Variants in KIF19 observed in about 807,000 individuals in gnomAD.
KIF19 encodes kinesin family member 19.
Under a neutral mutation model 106.6 loss-of-function variants are expected in KIF19, and 98 were observed. The ratio of observed to expected loss-of-function variants is 0.92; its 90% CI spans 0.78 to 1.09. The LOEUF (loss-of-function observed/expected upper bound fraction) is 1.09, where lower values mean the gene tolerates loss of function less well. KIF19 is among the 50% of genes least tolerant of loss of function. KIF19 has a pLI of 0.00. For missense variants in KIF19, 1,373 were observed against 1,414.3 expected (o/e 0.97, Z 0.47); for synonymous variants, 516 against 584.2 (o/e 0.88, Z 1.68).
At chr17:74,340,949 TGG>T (rs113482479) in intron 2 of KIF19, among the ~76,000 whole-genome samples, 10 of 152,054 alleles carry the variant, frequency 6.6e-5, no homozygotes, top group African/African-American at 2.4e-4. Context: ...TGTGACGACC[TGG>T]GGGGTGTGAC....
intron 2 of KIF19, among the ~76,000 whole-genome samples, chr17:74,338,704 C>T (rs146029126): frequency 4.6e-5 from 7 of 151,860 alleles, no homozygotes; most frequent in South Asian, 2.1e-4. Flanking sequence ...CCAGGGCACA[C>T]GTAGAATGCT....
rs532366391 is a variant in KIF19, at chr17:74,344,293, AG to A, written c.532del (p.Val178Ter). 5,562 of 1,612,936 alleles carry A rather than the reference AG, an allele frequency of 3.4e-3. 22 individuals carry two copies. Among genetic ancestry groups the A allele is most frequent in the Middle Eastern group, 6.9e-3 (42 of 6,056 alleles). On this transcript the variant is annotated frameshift_variant, in exon 6 of 20. Transcript: ENST00000389916. LOFTEE classifies it high-confidence loss of function. ...LGYLELREDS[K>X]GVIQVAGITE... ...TACCTGGAGCTGCGGGAGGACTCTA[AG>A]GGGGTGATCCAGGTGGCCGGCATCA...
In KIF19 at chr17:74,351,886, G is replaced by T. The variant is rs1466653834; in HGVS notation, c.1607G>T (p.Cys536Phe). 64 of 1,407,164 alleles carry T rather than the reference G, an allele frequency of 4.5e-5. No homozygotes were observed. Among genetic ancestry groups the T allele is most frequent in the Non-Finnish European group, 5.8e-5 (63 of 1,089,242 alleles). The allele number at this position is 1,407,164 out of a possible 1,614,324, so 87.2% of individuals were successfully genotyped here. Residue 536 changes from cysteine (C) to phenylalanine (F), a missense_variant, in exon 13 of 20, where the codon TGC (cysteine) becomes TTC (phenylalanine). By Grantham distance (205) the Cys-to-Phe change is radical. Coordinates refer to ENST00000389916, the MANE Select transcript of KIF19 (RefSeq NM_153209.4). ...RKQKLALEQR[C>F]RELRARGRRL... is the part of the protein sequence containing the mutation. Reference sequence around the variant, plus strand: ...CTGCAGCTGGCGCTGGAGCAGCGCTGCCGGGAGCTGCGCGCGCGGGGCCGG... The same window carrying T: ...CTGCAGCTGGCGCTGGAGCAGCGCTTCCGGGAGCTGCGCGCGCGGGGCCGG...
At chr17:74,337,005 T>C (rs1425543857) in intron 2 of KIF19, among the ~76,000 whole-genome samples, 1 of 152,110 alleles carries the variant, frequency 6.6e-6, no homozygotes, top group African/African-American at 2.4e-5. Flanking sequence ...TTTGTATTTT[T>C]AGTATTTTAG....
intron 2 of KIF19, among the ~76,000 whole-genome samples, chr17:74,341,245 G>A (rs181461752): frequency 1.5e-4 from 23 of 151,458 alleles, no homozygotes; most frequent in Admixed American, 9.2e-4. Context: ...CTGAACCCAG[G>A]AGGTGGAGGT....
Position 74,347,864 on chromosome 17 carries a change from A to G in KIF19, c.1012A>G (p.Thr338Ala). Residue 338 changes from threonine to alanine, a missense_variant, in exon 9 of 20, where the codon ACC (threonine) becomes GCC (alanine). By Grantham distance (58) the Thr-to-Ala change is moderately conservative. This residue lies in a region of KIF19 where 1,020 missense variants were observed against 1,008.2 expected (regional missense o/e 1.01). Coordinates refer to ENST00000389916, the MANE Select transcript of KIF19 (RefSeq NM_153209.4). ...SAFEESRNTL[T>A]YAGRAKNIKT... is the part of the protein sequence containing the mutation. ...CTTCGAGGAGTCCCGGAACACCCTG[A>G]CCTACGCCGGCCGGGCCAAGAACAT... The G allele has an allele frequency of 6.3e-7, 1 of 1,585,172 alleles. No homozygotes were observed. The highest frequency in any genetic ancestry group is 8.6e-7 in the Non-Finnish European group (1 of 1,166,396).
rs747118963 is a variant in KIF19 at position 74,352,048 on chromosome 17, T to TCCGCCA, written c.1777_1782dup (p.Arg593_His594dup). ...CACGCGCTGCTCCGCGACGGTGCGC[T>TCCGCCA]CCGCCACCGCCACGAGGCCGTGCGC... is the stretch of plus-strand genomic sequence containing the variant. On this transcript the variant is annotated inframe_insertion, in exon 13 of 20. Transcript: ENST00000389916. 2.5e-6 allele frequency: 4 copies of TCCGCCA among 1,579,438 alleles called. No individual in the cohort carries two copies. In the South Asian group the frequency reaches 3.4e-5, roughly 13 times the overall value.
At chr17:74,328,281 C>G in intron 1 of KIF19, 144 bp from the exon 2 acceptor site, 1 of 678,106 alleles carries the variant, frequency 1.5e-6, no homozygotes, top group South Asian at 1.8e-5. Flanking sequence ...ACCTGCTGCC[C>G]TCTGACCTAG....
chr17:74,347,660 C>A, intron 8 of KIF19, 117 bp from the exon 9 acceptor site: 1 of 1,221,776 alleles, frequency 8.2e-7, no homozygotes. Flanking sequence ...GCAGCCGGGT[C>A]CCTTAAGTGT....
Position 74,352,867 on chromosome 17 carries a change from C to T in KIF19, c.2027C>T (p.Pro676Leu), listed in dbSNP as rs1567922227. ...ACCCCAGCAGGAACCTCACTGACCC[C>T]AGATTCTGACCTGGAGAGTGTGAAG... ...KITPAGTSLTPDSDLESVKTL... is the reference protein window; with the variant it reads ...KITPAGTSLTLDSDLESVKTL... Residue 676 changes from proline (P) to leucine (L), a missense_variant, in exon 15 of 20, where the codon CCA becomes CTA. Coordinates refer to ENST00000389916, the MANE Select transcript of KIF19 (RefSeq NM_153209.4). 1.2e-6 allele frequency: 2 copies of T among 1,613,886 alleles called. No individual in the cohort carries two copies. Among genetic ancestry groups the T allele is most frequent in the Non-Finnish European group, 8.5e-7 (1 of 1,179,894 alleles).
At chr17:74,328,965 G>A (rs1242417808) in intron 2 of KIF19, 2 of 155,480 alleles carry the variant, frequency 1.3e-5, no homozygotes, top group Non-Finnish European at 2.8e-5. Flanking sequence ...CAGCATGCTG[G>A]GTACTGTTCT....
At position 74,353,346 on chromosome 17, in the gene KIF19, G is replaced by A. The variant is rs769908923; in HGVS notation, c.2220+45G>A. ...TGGCCCCACGAGCTCCACTGCAGCG[G>A]GTGCGGGACATGGGGGTGGACAGCA... On this transcript the variant is annotated intron_variant, in intron 16 of 19. Coordinates refer to ENST00000389916, the MANE Select transcript of KIF19 (RefSeq NM_153209.4). The A allele has an allele frequency of 2.7e-6, 4 of 1,508,942 alleles. No individual in the cohort carries two copies. The South Asian group carries it at 4.8e-5, about 18-fold the overall frequency. 93.5% of individuals were successfully genotyped at this position (1,508,942 alleles called of 1,614,324 possible). A position where few individuals can be genotyped will look rare whatever the true frequency, so the allele number is the denominator to read the frequency against.
intron 19 of KIF19, 39 bp downstream of exon 19, chr17:74,354,980 C>A: frequency 1.3e-6 from 2 of 1,569,604 alleles, no homozygotes; most frequent in East Asian, 4.6e-5. Context: ...GGGGAGGCCT[C>A]CACCAGGCAG....
intron 19 of KIF19, 80 bp from the exon 20 acceptor site, chr17:74,355,102 A>T: frequency 6.5e-7 from 1 of 1,545,744 alleles, no homozygotes. Flanking sequence ...GCCCCTAGAG[A>T]GTTCAAGGCC....
intron 17 of KIF19, 92 bp from the exon 18 acceptor site, chr17:74,354,070 G>C: frequency 7.1e-7 from 1 of 1,398,802 alleles, no homozygotes; most frequent in Middle Eastern, 2.4e-4. Flanking sequence ...AAACCCAGGA[G>C]GTCTGGCTCC....
rs779454973 is a variant in KIF19 at position 74,354,366 on chromosome 17, A to G, written c.2513A>G (p.Gln838Arg). Residue 838 changes from glutamine (Q) to arginine (R), a missense_variant, in exon 18 of 20, where the codon CAG becomes CGG. Physicochemically the swap from Gln to Arg is conservative, Grantham distance 43. This residue lies in a region of KIF19 where 1,020 missense variants were observed against 1,008.2 expected (regional missense o/e 1.01). Transcript: ENST00000389916. Reference sequence around the variant, plus strand: ...AAGCGGCCGCCCAGCCCCACACTACAGCATGCTGCCAGTGAGGACAACCTG... The same window carrying G: ...AAGCGGCCGCCCAGCCCCACACTACGGCATGCTGCCAGTGAGGACAACCTG... ...ACKRPPSPTLQHAASEDNLSS... is the reference protein window; with the variant it reads ...ACKRPPSPTLRHAASEDNLSS... 2 of 1,608,502 alleles carry G rather than the reference A, an allele frequency of 1.2e-6. No homozygotes were observed. The highest frequency in any genetic ancestry group is 3.4e-5 in the Admixed American group (2 of 59,484).
In KIF19 at chr17:74,352,156, C is replaced by A. The variant is rs757324545; in HGVS notation, c.1858+19C>A. On this transcript the variant is annotated intron_variant, in intron 13 of 19. Coordinates refer to ENST00000389916, the MANE Select transcript of KIF19 (RefSeq NM_153209.4). ...ATCGACGGTAGGGCCCACGCCCCCG[C>A]GCATCTGAGCCACCCGCGGGGGGGC... 3 of 1,583,176 alleles carry A rather than the reference C, an allele frequency of 1.9e-6. No homozygotes were observed. The highest frequency in any genetic ancestry group is 3.5e-5 in the Admixed American group (2 of 57,188).
chr17:74,341,776 A>G lies in KIF19; in HGVS notation c.121-100A>G, dbSNP rs956998121. On this transcript the variant is annotated intron_variant, in intron 2 of 19. Coordinates refer to ENST00000389916, the MANE Select transcript of KIF19 (RefSeq NM_153209.4). ...GCCCAGAAGGGCTTTGTTAACTCTG[A>G]TCGACAAAGGGGTTAACTTTGTTAA... is the stretch of plus-strand genomic sequence containing the variant. 6.1e-6 allele frequency: 5 copies of G among 818,502 alleles called. No homozygotes were observed. In the Admixed American group the frequency reaches 7.2e-5, roughly 12 times the overall value. 50.7% of individuals were successfully genotyped at this position (818,502 alleles called of 1,614,324 possible).
Position 74,354,397 on chromosome 17 carries a change from C to T in KIF19, c.2544C>T (p.Ser848=), listed in dbSNP as rs369709127. 2 of 1,610,550 alleles carry T rather than the reference C, an allele frequency of 1.2e-6. No individual in the cohort carries two copies. The highest frequency in any genetic ancestry group is 1.7e-6 in the Non-Finnish European group (2 of 1,179,020). The part of the protein sequence containing the change: ...QHAASEDNLS[S]STGEAPSRAV... ...CTGCCAGTGAGGACAACCTGTCCAG[C>T]AGCACGGGCGAGGCCCCGTCCCGGG... The change falls in exon 18 of 20, where the codon AGC becomes AGT. Residue 848 remains serine (S), a synonymous_variant. Transcript: ENST00000389916.
Sources: gnomAD v4.1 joint callset for allele counts (sites outside exome capture counted in the v4.1 genomes callset) on GRCh38, gnomAD v4.1.1 for gene constraint, gnomAD v4.1.1 regional missense constraint, MANE v1.5 for transcripts, NCBI Gene and HGNC (gene_info 2026-07-23, HGNC 2026-07-21) for gene names.